Variants in WDFY2 observed in about 807,000 individuals in gnomAD.
WDFY2 encodes the protein WD repeat and FYVE domain-containing protein 2.
A neutral mutation model predicts 56.4 loss-of-function variants in WDFY2; 36 were observed. The observed-to-expected ratio is 0.64, with a 90% confidence interval of 0.49 to 0.84. WDFY2 has a LOEUF of 0.84. Among genes scored for constraint, WDFY2 ranks in the 40% least tolerant of loss-of-function variants. The probability of loss-of-function intolerance (pLI) is 0.00; values close to 1 mark genes in which losing one functional copy is unlikely to be tolerated. For missense variants in WDFY2, 444 were observed against 512.2 expected, an observed-to-expected ratio of 0.87 and a Z score of 1.29; for synonymous variants, 176 against 183.7, an observed-to-expected ratio of 0.96 and a Z score of 0.34.
intron 10 of WDFY2, among the ~76,000 whole-genome samples, chr13:51,757,917 G>A (rs1953449938): frequency 6.6e-6 from 1 of 151,876 alleles, no homozygotes; most frequent in Non-Finnish European, 1.5e-5. Context: ...TTAAAAGCTC[G>A]GGTGGAGATT....
chr13:51,722,049 T>C (rs1424464625), intron 5 of WDFY2, among the ~76,000 whole-genome samples: 1 of 142,346 alleles, frequency 7.0e-6, no homozygotes, highest in African/African-American at 2.6e-5. Flanking sequence ...GTTTCGTCGT[T>C]GTTTGTTGTT....
At chr13:51,598,062 A>G (rs1179642767) in intron 1 of WDFY2, among the ~76,000 whole-genome samples, 1 of 152,158 alleles carries the variant, frequency 6.6e-6, no homozygotes, top group Non-Finnish European at 1.5e-5. Flanking sequence ...TTTCCCTTAT[A>G]AAACTGCTTT....
At chr13:51,596,450 G>A (rs958534054) in intron 1 of WDFY2, among the ~76,000 whole-genome samples, 1 of 152,194 alleles carries the variant, frequency 6.6e-6, no homozygotes, top group Non-Finnish European at 1.5e-5. Context: ...ATGTGGATAG[G>A]ATAGGGCAAA....
intron 6 of WDFY2, among the ~76,000 whole-genome samples, chr13:51,738,410 C>G: frequency 6.6e-6 from 1 of 152,164 alleles, no homozygotes; most frequent in African/African-American, 2.4e-5. Flanking sequence ...ATCTAATTCT[C>G]ACCACAACCG....
intron 1 of WDFY2, among the ~76,000 whole-genome samples, chr13:51,654,225 A>C (rs1955463187): frequency 6.6e-6 from 1 of 152,130 alleles, no homozygotes; most frequent in South Asian, 2.1e-4. Flanking sequence ...ACAATCTCCT[A>C]GTGTGCCGTT....
chr13:51,691,468 G>T (rs1433256998), intron 3 of WDFY2, among the ~76,000 whole-genome samples: 5 of 150,416 alleles, frequency 3.3e-5, no homozygotes, highest in African/African-American at 4.9e-5. Flanking sequence ...TTTCCCCATT[G>T]CTTGTTTTTC....
At chr13:51,759,458 C>A (rs988241410) in intron 11 of WDFY2, among the ~76,000 whole-genome samples, 4 of 152,222 alleles carry the variant, frequency 2.6e-5, no homozygotes, top group Admixed American at 2.0e-4. Context: ...ACAGGAGGAT[C>A]TGCAGTGTAG....
Position 51,628,134 on chromosome 13 carries a change from C to T in WDFY2, c.138-32462C>T, listed in dbSNP as rs141923480. On this transcript the variant is annotated intron_variant, in intron 1 of 11. Coordinates refer to ENST00000298125, the MANE Select transcript of WDFY2 (RefSeq NM_052950.4). ...GCCCAGGAACCTGTCTGCGTCCTGG[C>T]ATCAACATGCCATCCACGGCACCCA... Among the ~76,000 whole-genome samples, 1,176 of 152,294 alleles carry T rather than the reference C, an allele frequency of 7.7e-3. 6 individuals carry two copies. Among genetic ancestry groups the T allele is most frequent in the Non-Finnish European group, 0.012 (822 of 68,028 alleles).
rs1383045617 is a variant in WDFY2 at position 51,763,869 on chromosome 13, C to T, written c.*4100C>T. On this transcript the variant is annotated 3_prime_UTR_variant, in exon 12 of 12. Transcript: ENST00000298125. ...TAAGGCCCAAATTTTTGTTTTTAAG[C>T]AAAAGGATAGCTCTAAGTGTGGGTT... is the stretch of plus-strand genomic sequence containing the variant. The T allele has an allele frequency of 1.3e-5, 2 of 152,106 alleles. No homozygotes were observed. Among genetic ancestry groups the T allele is most frequent in the African/African-American group, 4.8e-5 (2 of 41,412 alleles). The allele number at this position is 152,106 out of a possible 1,614,324, so 9.4% of individuals were successfully genotyped here.
intron 3 of WDFY2, among the ~76,000 whole-genome samples, chr13:51,687,050 T>C (rs1956073745): frequency 6.7e-6 from 1 of 150,352 alleles, no homozygotes; most frequent in Admixed American, 6.6e-5. Context: ...CTTATTTATA[T>C]ATATATATAT....
chr13:51,660,758 G>T, intron 2 of WDFY2, 95 bp downstream of exon 2: 1 of 1,054,370 alleles, frequency 9.5e-7, no homozygotes, highest in Non-Finnish European at 1.4e-6. Context: ...ACTGAGGTTG[G>T]GATTCTCATT....
intron 7 of WDFY2, among the ~76,000 whole-genome samples, chr13:51,741,493 C>T (rs1365616877): frequency 3.3e-5 from 5 of 152,056 alleles, no homozygotes; most frequent in Non-Finnish European, 7.4e-5. Flanking sequence ...TAGAGAAGTC[C>T]CTGGAGCTGC....
intron 3 of WDFY2, among the ~76,000 whole-genome samples, chr13:51,680,587 T>C (rs1387687604): frequency 1.3e-5 from 2 of 152,216 alleles, no homozygotes; most frequent in African/African-American, 4.8e-5. Flanking sequence ...ATATTGTATC[T>C]ACTGTGTTTC....
chr13:51,737,411 TGC>T (rs1952862171), intron 6 of WDFY2, among the ~76,000 whole-genome samples: 1 of 152,060 alleles, frequency 6.6e-6, no homozygotes, highest in South Asian at 2.1e-4. Flanking sequence ...TTCAATCATT[TGC>T]CCATTTGTCC....
At chr13:51,718,698 A>C (rs1291579514) in intron 4 of WDFY2, among the ~76,000 whole-genome samples, 1 of 152,134 alleles carries the variant, frequency 6.6e-6, no homozygotes, top group African/African-American at 2.4e-5. Flanking sequence ...GAAAGTGTTC[A>C]TCTAGAACTT....
At chr13:51,671,854 G>T (rs553190342) in intron 2 of WDFY2, among the ~76,000 whole-genome samples, 2 of 136,568 alleles carry the variant, frequency 1.5e-5, no homozygotes, top group Non-Finnish European at 3.0e-5. Context: ...CACCATCTCA[G>T]CTTACTGCAA....
At chr13:51,666,053 C>T (rs2138474054) in intron 2 of WDFY2, among the ~76,000 whole-genome samples, 1 of 152,314 alleles carries the variant, frequency 6.6e-6, no homozygotes, top group Middle Eastern at 3.4e-3. Flanking sequence ...TACCTACCAT[C>T]TGTTCAGTTA....
rs552031055 is a variant in WDFY2, at chr13:51,741,860, G to A, written c.725+2685G>A. Among the ~76,000 whole-genome samples the A allele has an allele frequency of 2.0e-5, 3 of 152,262 alleles. No homozygotes were observed. The South Asian group carries it at 6.2e-4, about 32-fold the overall frequency. On this transcript the variant is annotated intron_variant, in intron 7 of 11. Transcript: ENST00000298125. Reference sequence around the variant, plus strand: ...AGCAGGGAGCTGCTTAGCACCTTTCGTATACCCAGCCCTCAGTAAGGCACT... The same window carrying A: ...AGCAGGGAGCTGCTTAGCACCTTTCATATACCCAGCCCTCAGTAAGGCACT...
At chr13:51,731,265 G>T (rs567430889) in intron 6 of WDFY2, among the ~76,000 whole-genome samples, 195 of 152,298 alleles carry the variant, frequency 1.3e-3, no homozygotes, top group Non-Finnish European at 1.3e-3. Flanking sequence ...TAGGAGCTCT[G>T]TGAGTTTTGT....
Sources: gnomAD v4.1 joint callset for allele counts (sites outside exome capture counted in the v4.1 genomes callset) on GRCh38, gnomAD v4.1.1 for gene constraint, MANE v1.5 for transcripts, NCBI Gene and HGNC (gene_info 2026-07-23, HGNC 2026-07-21) for gene names.